MRTFA: variants seen among roughly 807,000 people sequenced by gnomAD.
MRTFA encodes myocardin-related transcription factor A.
Under a neutral mutation model 83.5 loss-of-function variants are expected in MRTFA, and 20 were observed. That is an observed-to-expected ratio of 0.24 (90% CI 0.17 to 0.35). The LOEUF (loss-of-function observed/expected upper bound fraction) is 0.35, where lower values mean the gene tolerates loss of function less well. Ranked by LOEUF, MRTFA falls within the 10% of genes least tolerant of loss-of-function variation. The pLI, the probability that MRTFA is intolerant of heterozygous loss-of-function variation, is 1.00. For missense variants in MRTFA, 1,200 were observed against 1,224.7 expected (o/e 0.98, Z 0.30); for synonymous variants, 659 against 541.2 (o/e 1.22, Z -3.02).
intron 3 of MRTFA, among the ~76,000 whole-genome samples, chr22:40,547,361 A>C (rs1052771858): frequency 2.0e-5 from 3 of 152,058 alleles, no homozygotes; most frequent in African/African-American, 7.2e-5. Flanking sequence ...TTGAAGAAAA[A>C]GCAGGATCAA....
chr22:40,466,091 G>C lies in MRTFA; in HGVS notation c.242-2805C>G, dbSNP rs182318720. Among the ~76,000 whole-genome samples the C allele has an allele frequency of 3.7e-3, 560 of 152,232 alleles. 5 individuals are homozygous for C. Among genetic ancestry groups the C allele is most frequent in the Non-Finnish European group, 6.6e-3 (447 of 68,022 alleles). ...TGTGATCACCTGGGTTTATTCTCTGGTGAGACAGACAAAGGGGCTAAAACA... is the reference window on the plus strand; with the variant it reads ...TGTGATCACCTGGGTTTATTCTCTGCTGAGACAGACAAAGGGGCTAAAACA... On this transcript the variant is annotated intron_variant, in intron 3 of 14. Transcript: ENST00000355630.
At chr22:40,533,627 TAG>T in intron 3 of MRTFA, 1 of 1,230,310 alleles carries the variant, frequency 8.1e-7, no homozygotes, top group Non-Finnish European at 1.0e-6. Flanking sequence ...CAGGTTCCAG[TAG>T]AGTCATGACG....
chr22:40,579,448 A>C (rs1374215573), intron 2 of MRTFA, among the ~76,000 whole-genome samples: 6 of 152,242 alleles, frequency 3.9e-5, no homozygotes, highest in Admixed American at 2.0e-4. Flanking sequence ...CAATGTGGTA[A>C]GTGCCTGCCA....
At chr22:40,560,430 A>G (rs2055596449) in intron 2 of MRTFA, among the ~76,000 whole-genome samples, 1 of 152,214 alleles carries the variant, frequency 6.6e-6, no homozygotes, top group Admixed American at 6.5e-5. Flanking sequence ...TTTCTCTAAC[A>G]AACACACTAC....
intron 3 of MRTFA, among the ~76,000 whole-genome samples, chr22:40,517,209 C>T (rs2054775912): frequency 6.6e-6 from 1 of 152,224 alleles, no homozygotes; most frequent in African/African-American, 2.4e-5. Flanking sequence ...AGGTGTGAGT[C>T]ACTGTGCCTG....
At chr22:40,629,087 G>C (rs562163714) in intron 1 of MRTFA, among the ~76,000 whole-genome samples, 8 of 151,974 alleles carry the variant, frequency 5.3e-5, no homozygotes, top group Middle Eastern at 6.8e-3. Flanking sequence ...CCAGGAATTT[G>C]AGACTAGTCT....
At chr22:40,587,404 C>A in intron 2 of MRTFA, 1 of 361,526 alleles carries the variant, frequency 2.8e-6, no homozygotes. Context: ...GTCCCTTGCG[C>A]TGGATACGAT....
chr22:40,446,547 G>A (rs1190635995), intron 4 of MRTFA, among the ~76,000 whole-genome samples: 15 of 152,162 alleles, frequency 9.9e-5, no homozygotes, highest in Admixed American at 9.2e-4. Flanking sequence ...AGGAGGGGAG[G>A]AGGCAAAGCT....
intron 3 of MRTFA, among the ~76,000 whole-genome samples, chr22:40,468,437 G>A (rs989123222): frequency 1.3e-5 from 2 of 152,076 alleles, no homozygotes; most frequent in Non-Finnish European, 2.9e-5. Flanking sequence ...AGTATGGGAA[G>A]AACAGGACAG....
intron 1 of MRTFA, among the ~76,000 whole-genome samples, chr22:40,625,258 T>C (rs1161359497): frequency 6.6e-6 from 1 of 151,198 alleles, no homozygotes; most frequent in Non-Finnish European, 1.5e-5. Flanking sequence ...GATGGGAGGA[T>C]CACTTGAGCC....
chr22:40,420,750 T>G, intron 10 of MRTFA, 97 bp downstream of exon 10: 1 of 1,569,764 alleles, frequency 6.4e-7, no homozygotes. Context: ...CAGCGGGTCC[T>G]TAAAGATGTG....
intron 3 of MRTFA, among the ~76,000 whole-genome samples, chr22:40,509,850 C>T (rs1485580059): frequency 6.6e-6 from 1 of 151,702 alleles, no homozygotes; most frequent in East Asian, 1.9e-4. Flanking sequence ...ATTTCCAGCC[C>T]CAGTGCAAGG....
intron 3 of MRTFA, among the ~76,000 whole-genome samples, chr22:40,477,040 T>C (rs1183328742): frequency 1.3e-5 from 2 of 151,932 alleles, no homozygotes; most frequent in African/African-American, 4.8e-5. Context: ...CCTACAGAAA[T>C]GACCTCTGGC....
At chr22:40,577,649 A>C (rs1023933363) in intron 2 of MRTFA, among the ~76,000 whole-genome samples, 2 of 118,290 alleles carry the variant, frequency 1.7e-5, no homozygotes, top group African/African-American at 3.2e-5. Context: ...TTTCCCTCTT[A>C]TTGCCCAGGC....
intron 14 of MRTFA, among the ~76,000 whole-genome samples, chr22:40,413,925 TAAG>T (rs1309539269): frequency 6.6e-6 from 1 of 151,598 alleles, no homozygotes; most frequent in South Asian, 2.1e-4. Context: ...AAATTGAAAA[TAAG>T]AAGTGCTGGT....
At position 40,417,011 on chromosome 22, in the gene MRTFA, C is replaced by T; in HGVS notation, c.2553G>A (p.Leu851=). 2 of 1,598,898 alleles carry T rather than the reference C, an allele frequency of 1.3e-6. No individual in the cohort carries two copies. Among genetic ancestry groups the T allele is most frequent in the Non-Finnish European group, 1.7e-6 (2 of 1,172,830 alleles). The change falls in exon 14 of 15, where the codon CTG becomes CTA. Residue 851 remains leucine, a synonymous_variant. Transcript: ENST00000355630. ...CTCCGCTCTGAATGAGAATGTCAAA[C>T]AGGTCGTCCATCTGCTGGCTTGAGG...
chr22:40,446,577 A>T (rs763662124), intron 4 of MRTFA, among the ~76,000 whole-genome samples: 8 of 152,190 alleles, frequency 5.3e-5, no homozygotes, highest in Non-Finnish European at 1.0e-4. Context: ...AGTAAGCTTC[A>T]AGAAAAAGCC....
intron 4 of MRTFA, among the ~76,000 whole-genome samples, chr22:40,462,489 T>C (rs939095865): frequency 6.6e-6 from 1 of 152,168 alleles, no homozygotes; most frequent in Non-Finnish European, 1.5e-5. Context: ...AGTGATAACA[T>C]ACAAACAGAA....
intron 4 of MRTFA, among the ~76,000 whole-genome samples, chr22:40,454,366 T>C (rs921039604): frequency 6.6e-6 from 1 of 152,204 alleles, no homozygotes; most frequent in African/African-American, 2.4e-5. Flanking sequence ...TCCACTCACC[T>C]TGGCCTCCCA....
Sources: gnomAD v4.1 joint callset for allele counts (sites outside exome capture counted in the v4.1 genomes callset) on GRCh38, gnomAD v4.1.1 for gene constraint, MANE v1.5 for transcripts, NCBI Gene and HGNC (gene_info 2026-07-23, HGNC 2026-07-21) for gene names.